Variants in KIF13A observed in about 807,000 individuals in gnomAD.
The protein encoded by KIF13A is kinesin family member 13A.
A neutral mutation model predicts 212.2 loss-of-function variants in KIF13A; 79 were observed. The observed-to-expected ratio is 0.37, with a 90% CI of 0.31 to 0.45. KIF13A has a LOEUF of 0.45. Among genes scored for constraint, KIF13A ranks in the 20% least tolerant of loss-of-function variants. The probability of loss-of-function intolerance (pLI) is 1.00; values close to 1 mark genes in which losing one functional copy is unlikely to be tolerated. For synonymous variants in KIF13A, 789 were observed against 808.6 expected (o/e 0.98, Z 0.41); for missense variants, 1,901 against 2,209.0 (o/e 0.86, Z 2.79).
Position 17,987,062 on chromosome 6 carries a change from C to T in KIF13A, c.138G>A (p.Gln46=). The T allele has an allele frequency of 6.2e-7, 1 of 1,613,032 alleles. No individual in the cohort carries two copies. The highest frequency in any genetic ancestry group is 8.5e-7 in the Non-Finnish European group (1 of 1,179,020). ...VLHPPPSNTK[Q]GERKPPKVFA... ...CTCGGAACCCGCTTTACCTTTCTCCCTGTTTGGTGTTAGAAGGAGGAGGGT... is the reference window on the plus strand; with the variant it reads ...CTCGGAACCCGCTTTACCTTTCTCCTTGTTTGGTGTTAGAAGGAGGAGGGT... Residue 46 remains glutamine (Q), a synonymous_variant, in exon 2 of 39, where the codon CAG becomes CAA. Coordinates refer to ENST00000259711, the MANE Select transcript of KIF13A (RefSeq NM_022113.6). This position sits in a 1 kb window ranked among gnomAD's most constrained non-coding sequence, Gnocchi z 7.7.
chr6:17,799,586 G>C lies in KIF13A; in HGVS notation c.2617-147C>G. On this transcript the variant is annotated intron_variant, in intron 21 of 38. Transcript: ENST00000259711. This position sits in a 1 kb window ranked among gnomAD's most constrained non-coding sequence, Gnocchi z 4.4. ...ATTATATCTGACACCGTGACACTAA[G>C]GGTTGTATCGATAATGAAATCTGTA... 1 of 676,708 alleles carries C rather than the reference G, an allele frequency of 1.5e-6. No individual in the cohort carries two copies. The highest frequency in any genetic ancestry group is 2.2e-5 in the South Asian group (1 of 45,866). The allele number at this position is 676,708 out of a possible 1,614,324, so 41.9% of individuals were successfully genotyped here.
chr6:17,782,964 A>G (rs937941674), intron 29 of KIF13A, among the ~76,000 whole-genome samples: 4 of 152,174 alleles, frequency 2.6e-5, no homozygotes, highest in Non-Finnish European at 5.9e-5. Context: ...TTAAAAAAGA[A>G]ATTCTTCACA....
In KIF13A at chr6:17,899,565, G is replaced by A. The variant is rs1772880765; in HGVS notation, c.147-1385C>T. 6.6e-6 allele frequency among the ~76,000 whole-genome samples: 1 copy of A among 152,138 alleles called. No individual in the cohort carries two copies. The highest frequency in any genetic ancestry group is 6.5e-5 in the Admixed American group (1 of 15,274). ...CATGCATAATTCTACGCTTTCGAGT[G>A]CAGGGAAGAAAAATCATCCCATTCC... is the stretch of plus-strand genomic sequence containing the variant. On this transcript the variant is annotated intron_variant, in intron 2 of 38. Coordinates refer to ENST00000259711, the MANE Select transcript of KIF13A (RefSeq NM_022113.6). The surrounding 1 kb of genome is among the most constrained non-coding windows in gnomAD (Gnocchi z 5.2).
intron 18 of KIF13A, among the ~76,000 whole-genome samples, chr6:17,808,122 C>T (rs939296930): frequency 6.6e-6 from 1 of 152,202 alleles, no homozygotes; most frequent in African/African-American, 2.4e-5. Context: ...CACAGTGGCT[C>T]ACGCCTGTAA....
In KIF13A at chr6:17,764,792, G is replaced by A; in HGVS notation, c.4736C>T (p.Ser1579Leu). 1.9e-6 allele frequency: 3 copies of A among 1,613,320 alleles called. No individual in the cohort carries two copies. The highest frequency in any genetic ancestry group is 2.5e-6 in the Non-Finnish European group (3 of 1,179,600). Residue 1579 changes from serine (S) to leucine (L), a missense_variant, in exon 39 of 39, where the codon TCA (serine) becomes TTA (leucine). Physicochemically the swap from Ser to Leu is moderately radical, Grantham distance 145. Transcript: ENST00000259711. The surrounding 1 kb of genome is among the most constrained non-coding windows in gnomAD (Gnocchi z 5.1). ...GGACACTTCTTTCTCCAAGACCCGT[G>A]AGTTTGACAGATCTACTTTAGAGGA... ...WFSSKVDLSN[S>L]RVLEKEVSRS...
intron 2 of KIF13A, among the ~76,000 whole-genome samples, chr6:17,958,059 CAGCTT>C (rs981194626): frequency 1.6e-4 from 25 of 152,188 alleles, no homozygotes; most frequent in Non-Finnish European, 3.2e-4. Context: ...GCTTTTGAAG[CAGCTT>C]CAGTCTGATA....
At position 17,763,908 on chromosome 6, in the gene KIF13A, G is replaced by C; in HGVS notation, c.*202C>G. On this transcript the variant is annotated 3_prime_UTR_variant, in exon 39 of 39. Transcript: ENST00000259711. ...CATTCAACACCAACCCATGTGCCAG[G>C]TAAAAAAATCCACTGGTCTTATAAT... 4 of 1,420,168 alleles carry C rather than the reference G, an allele frequency of 2.8e-6. No individual in the cohort carries two copies. The highest frequency in any genetic ancestry group is 3.7e-6 in the Non-Finnish European group (4 of 1,091,776). 88.0% of individuals were successfully genotyped at this position (1,420,168 alleles called of 1,614,324 possible).
At chr6:17,763,469 C>T (rs1758682029), downstream of KIF13A, among the ~76,000 whole-genome samples, 1 of 98,066 alleles carries the variant, frequency 1.0e-5, no homozygotes, top group Non-Finnish European at 2.0e-5. Flanking sequence ...GAGCCACACT[C>T]CATCTCAAAA....
intron 14 of KIF13A, among the ~76,000 whole-genome samples, chr6:17,827,678 C>T (rs1021069807): frequency 4.6e-5 from 7 of 151,892 alleles, no homozygotes; most frequent in East Asian, 1.9e-4. Context: ...ACACCATGCC[C>T]GGCTAATTTT....
At chr6:17,792,162 C>A (rs1434031031) in intron 25 of KIF13A, among the ~76,000 whole-genome samples, 3 of 122,310 alleles carry the variant, frequency 2.5e-5, no homozygotes, top group African/African-American at 9.5e-5. Context: ...AAGATTGCAC[C>A]ATTGCACTCC....
chr6:17,804,171 C>CAAAT (rs1448799389), intron 20 of KIF13A, among the ~76,000 whole-genome samples, 190 bp downstream of exon 20: 2 of 151,720 alleles, frequency 1.3e-5, no homozygotes, highest in African/African-American at 4.8e-5. Context: ...AACAAACAAA[C>CAAAT]AAAACCATGA....
chr6:17,826,174 C>T lies in KIF13A; in HGVS notation c.1533-50G>A. ...CAGGTAAATGGGAAGGAGCACAAGA[C>T]CTTGTCCTGGTAGCCAAAGAGATAA... On this transcript the variant is annotated intron_variant, in intron 14 of 38. Transcript: ENST00000259711. This position sits in a 1 kb window ranked among gnomAD's most constrained non-coding sequence, Gnocchi z 4.7. 7.1e-7 allele frequency: 1 copy of T among 1,413,008 alleles called. No homozygotes were observed. Among genetic ancestry groups the T allele is most frequent in the East Asian group, 2.3e-5 (1 of 43,834 alleles). The allele number at this position is 1,413,008 out of a possible 1,614,324, so 87.5% of individuals were successfully genotyped here. A position where few individuals can be genotyped will look rare whatever the true frequency, so the allele number is the denominator to read the frequency against.
At position 17,781,160 on chromosome 6, in the gene KIF13A, A is replaced by C. The variant is rs1303694594; in HGVS notation, c.3669+17T>G. 9.3e-6 allele frequency: 15 copies of C among 1,613,822 alleles called. No homozygotes were observed. The highest frequency in any genetic ancestry group is 1.3e-5 in the Non-Finnish European group (15 of 1,179,822). ...GCTAATCTGAAGCCTTTTAAGAGAA[A>C]CTTGGGGGTTAATTACCTCATCATC... On this transcript the variant is annotated intron_variant, in intron 30 of 38. Transcript: ENST00000259711.
At chr6:17,765,201 C>A (rs988202385) in intron 38 of KIF13A, among the ~76,000 whole-genome samples, 14 of 152,160 alleles carry the variant, frequency 9.2e-5, no homozygotes, top group Non-Finnish European at 2.9e-5. Flanking sequence ...TCACTCAGTG[C>A]TAATTAGAAA....
At position 17,872,423 on chromosome 6, in the gene KIF13A, T is replaced by C. The variant is rs909212802; in HGVS notation, c.220+954A>G. Among the ~76,000 whole-genome samples, 12 of 152,150 alleles carry C rather than the reference T, an allele frequency of 7.9e-5. No individual in the cohort carries two copies. Among genetic ancestry groups the C allele is most frequent in the Non-Finnish European group, 1.5e-4 (10 of 68,020 alleles). On this transcript the variant is annotated intron_variant, in intron 4 of 38. Transcript: ENST00000259711. The surrounding 1 kb of genome is among the most constrained non-coding windows in gnomAD (Gnocchi z 4.7). ...AGGAAGAAATAGTTCACGAGCTCTA[T>C]TGTACAACACGGTGACTATAGTTAA...
intron 2 of KIF13A, among the ~76,000 whole-genome samples, chr6:17,977,777 T>C (rs1780714264): frequency 6.6e-6 from 1 of 152,266 alleles, no homozygotes. Context: ...ATTGTATACA[T>C]GTGCCATGTT....
At chr6:17,942,450 A>G (rs1353413267) in intron 2 of KIF13A, among the ~76,000 whole-genome samples, 1 of 152,120 alleles carries the variant, frequency 6.6e-6, no homozygotes. Flanking sequence ...AATTAGCTGT[A>G]TAATTTCCAA....
In KIF13A at chr6:17,919,215, G is replaced by C. The variant is rs1031516528; in HGVS notation, c.147-21035C>G. On this transcript the variant is annotated intron_variant, in intron 2 of 38. Coordinates refer to ENST00000259711, the MANE Select transcript of KIF13A (RefSeq NM_022113.6). The surrounding 1 kb of genome is among the most constrained non-coding windows in gnomAD (Gnocchi z 4.1). ...TGAAAATTGCAAACACATACGAATG[G>C]AATGTGAACAGCATCACATAACATC... 1.9e-4 allele frequency among the ~76,000 whole-genome samples: 29 copies of C among 152,130 alleles called. No individual in the cohort carries two copies.
chr6:17,958,396 T>C (rs957759795), intron 2 of KIF13A, among the ~76,000 whole-genome samples: 11 of 152,350 alleles, frequency 7.2e-5, no homozygotes, highest in Middle Eastern at 3.4e-3. Flanking sequence ...TATGGTGTTC[T>C]GGACAGCACA....
Sources: allele counts gnomAD v4.1 joint callset (sites outside exome capture counted in the v4.1 genomes callset), GRCh38; gene constraint gnomAD v4.1.1; non-coding constraint Gnocchi (gnomAD v3.1); transcripts MANE v1.5; gene names NCBI Gene and HGNC (gene_info 2026-07-23, HGNC 2026-07-21).